CHST11: variants seen among roughly 807,000 people sequenced by gnomAD.
CHST11 encodes the protein C4S-1.
Under a neutral mutation model 30.4 loss-of-function variants are expected in CHST11, and 9 were observed. That is an observed-to-expected ratio of 0.30 (90% CI 0.18 to 0.52). CHST11 has a LOEUF of 0.52. Ranked by LOEUF, CHST11 falls within the 20% of genes least tolerant of loss-of-function variation. The pLI is 0.97. For missense variants in CHST11, 348 were observed against 460.6 expected, an observed-to-expected ratio of 0.76 and a Z score of 2.24; for synonymous variants, 152 against 187.8, an observed-to-expected ratio of 0.81 and a Z score of 1.56.
At chr12:104,662,414 T>A (rs2039605795) in intron 2 of CHST11, among the ~76,000 whole-genome samples, 1 of 152,224 alleles carries the variant, frequency 6.6e-6, no homozygotes, top group South Asian at 2.1e-4. Context: ...AGAATGGTAG[T>A]TCCTCCTCCT....
chr12:104,708,516 G>A (rs2040056288), intron 2 of CHST11, among the ~76,000 whole-genome samples: 1 of 152,182 alleles, frequency 6.6e-6, no homozygotes, highest in African/African-American at 2.4e-5. Flanking sequence ...GAGGAAACAA[G>A]GCTCTGTATG....
intron 1 of CHST11, among the ~76,000 whole-genome samples, chr12:104,594,237 A>G (rs1485331391): frequency 6.6e-6 from 1 of 151,644 alleles, no homozygotes; most frequent in Non-Finnish European, 1.5e-5. Flanking sequence ...TTCTGTCCCC[A>G]CACTGGGCCC....
intron 2 of CHST11, among the ~76,000 whole-genome samples, chr12:104,678,253 A>G (rs2039761536): frequency 6.6e-6 from 1 of 152,214 alleles, no homozygotes; most frequent in Admixed American, 6.5e-5. Context: ...GTTTGCCTAG[A>G]AAGGTATATC....
chr12:104,576,872 A>T (rs1027615542), intron 1 of CHST11, among the ~76,000 whole-genome samples: 3 of 152,040 alleles, frequency 2.0e-5, no homozygotes, highest in African/African-American at 7.2e-5. Context: ...TCCAACATTC[A>T]TGTTGCCATT....
At chr12:104,662,006 A>G (rs974041273) in intron 2 of CHST11, among the ~76,000 whole-genome samples, 6 of 152,224 alleles carry the variant, frequency 3.9e-5, no homozygotes, top group Admixed American at 6.5e-5. Flanking sequence ...GAGATGAATC[A>G]GTGAGCTCCA....
intron 2 of CHST11, among the ~76,000 whole-genome samples, chr12:104,652,212 G>A (rs1326070830): frequency 6.6e-6 from 1 of 152,180 alleles, no homozygotes; most frequent in African/African-American, 2.4e-5. Flanking sequence ...TACATTTTCA[G>A]TGCAATCAAA....
chr12:104,501,282 T>C (rs1300180765), intron 1 of CHST11, among the ~76,000 whole-genome samples: 1 of 151,884 alleles, frequency 6.6e-6, no homozygotes, highest in African/African-American at 2.4e-5. Flanking sequence ...TGCCTGGGAG[T>C]TCCTGGGAGG....
intron 2 of CHST11, among the ~76,000 whole-genome samples, chr12:104,696,496 A>C (rs933697661): frequency 6.7e-6 from 1 of 149,776 alleles, no homozygotes. Flanking sequence ...AAAAAAAAAA[A>C]AAAAAAAAAA....
chr12:104,757,926 G>A lies in CHST11; in HGVS notation c.*123G>A. 1 of 1,059,568 alleles carries A rather than the reference G, an allele frequency of 9.4e-7. No homozygotes were observed. Among genetic ancestry groups the A allele is most frequent in the Non-Finnish European group, 1.3e-6 (1 of 750,784 alleles). 65.6% of individuals were successfully genotyped at this position (1,059,568 alleles called of 1,614,324 possible). A position where few individuals can be genotyped will look rare whatever the true frequency, so the allele number is the denominator to read the frequency against. ...TTCTTTGGGGATGATGCTGCGAGCA[G>A]CATAGTGAGAATTATTTAAAATCCT... On this transcript the variant is annotated 3_prime_UTR_variant, in exon 3 of 3. Transcript: ENST00000303694. The surrounding 1 kb of genome is among the most constrained non-coding windows in gnomAD (Gnocchi z 6.5).
At chr12:104,692,414 G>A (rs991977154) in intron 2 of CHST11, among the ~76,000 whole-genome samples, 3 of 152,200 alleles carry the variant, frequency 2.0e-5, no homozygotes, top group Non-Finnish European at 2.9e-5. Flanking sequence ...GCAATTTGCC[G>A]AGTGATGTTT....
At chr12:104,520,160 A>G (rs971179187) in intron 1 of CHST11, among the ~76,000 whole-genome samples, 4 of 152,122 alleles carry the variant, frequency 2.6e-5, no homozygotes, top group Admixed American at 6.5e-5. Flanking sequence ...AGGCAGCAAA[A>G]CCAGTTCACT....
In CHST11 at chr12:104,750,593, G is replaced by A. The variant is rs552622830; in HGVS notation, c.205-6356G>A. On this transcript the variant is annotated intron_variant, in intron 2 of 2. Coordinates refer to ENST00000303694, the MANE Select transcript of CHST11 (RefSeq NM_018413.6). ...CCAGTAGCTGGGAGTACAGGTGTCT[G>A]CCACCATGCCCGGCTAATTTTTGCA... is the stretch of plus-strand genomic sequence containing the variant. 2.1e-4 allele frequency among the ~76,000 whole-genome samples: 32 copies of A among 151,466 alleles called. No individual in the cohort carries two copies. The South Asian group carries it at 6.7e-3, about 32-fold the overall frequency.
At chr12:104,551,419 T>C (rs1160428406) in intron 1 of CHST11, among the ~76,000 whole-genome samples, 1 of 152,062 alleles carries the variant, frequency 6.6e-6, no homozygotes. Flanking sequence ...CTTGCTTTTG[T>C]AAGCATGTGT....
chr12:104,751,512 A>G (rs1252815389), intron 2 of CHST11, among the ~76,000 whole-genome samples: 1 of 152,256 alleles, frequency 6.6e-6, no homozygotes, highest in Non-Finnish European at 1.5e-5. Context: ...CCTATTCAAA[A>G]TAATTATTAA....
intron 2 of CHST11, among the ~76,000 whole-genome samples, chr12:104,656,832 C>G (rs887531629): frequency 6.6e-6 from 1 of 152,148 alleles, no homozygotes; most frequent in East Asian, 1.9e-4. Context: ...TACTGTCTTT[C>G]TGTTCAACAA....
intron 2 of CHST11, among the ~76,000 whole-genome samples, chr12:104,696,482 C>G (rs943009896): frequency 2.9e-5 from 2 of 69,140 alleles, no homozygotes; most frequent in Non-Finnish European, 2.5e-5. Flanking sequence ...GCTAAAAATA[C>G]AAAAAAAAAA....
chr12:104,702,867 G>A (rs772446745), intron 2 of CHST11, among the ~76,000 whole-genome samples: 3 of 152,216 alleles, frequency 2.0e-5, no homozygotes, highest in Admixed American at 6.5e-5. Flanking sequence ...ATTGGACGCC[G>A]TTCAGATCTA....
At chr12:104,704,470 G>A (rs949091379) in intron 2 of CHST11, among the ~76,000 whole-genome samples, 1 of 152,128 alleles carries the variant, frequency 6.6e-6, no homozygotes, top group African/African-American at 2.4e-5. Context: ...CTCAGGTTCT[G>A]CCCAGGCATT....
intron 1 of CHST11, among the ~76,000 whole-genome samples, chr12:104,567,159 T>C (rs2038575950): frequency 6.6e-6 from 1 of 152,182 alleles, no homozygotes; most frequent in Non-Finnish European, 1.5e-5. Flanking sequence ...GTGTATCCCT[T>C]ACGCTTGCCA....
Sources: allele counts gnomAD v4.1 joint callset (sites outside exome capture counted in the v4.1 genomes callset), GRCh38; gene constraint gnomAD v4.1.1; non-coding constraint Gnocchi (gnomAD v3.1); transcripts MANE v1.5; gene names NCBI Gene and HGNC (gene_info 2026-07-23, HGNC 2026-07-21).